Variants in TRPM3 observed in about 807,000 individuals in gnomAD.
TRPM3 encodes long transient receptor potential channel 3.
TRPM3 carries 77 observed loss-of-function variants against 181.2 expected under a neutral mutation model. The ratio of observed to expected loss-of-function variants is 0.42; its 90% CI spans 0.35 to 0.51. The LOEUF is 0.51. TRPM3 is among the 20% of genes least tolerant of loss of function. The pLI, the probability that TRPM3 is intolerant of heterozygous loss-of-function variation, is 0.01. For missense variants in TRPM3, 1,759 were observed against 2,196.7 expected (o/e 0.80, Z 3.98); for synonymous variants, 745 against 796.4 (o/e 0.94, Z 1.09).
chr9:70,671,402 T>C (rs1478668845), intron 9 of TRPM3, among the ~76,000 whole-genome samples: 2 of 152,048 alleles, frequency 1.3e-5, no homozygotes, highest in Non-Finnish European at 2.9e-5. Flanking sequence ...CTGACCCTTA[T>C]GGAATCATTT....
At chr9:71,043,108 G>A (rs1319464986) in intron 1 of TRPM3, among the ~76,000 whole-genome samples, 3 of 152,142 alleles carry the variant, frequency 2.0e-5, no homozygotes, top group African/African-American at 2.4e-5. Flanking sequence ...AAAACTGATC[G>A]TGAGCTTTTA....
chr9:71,075,905 C>T (rs182042391), intron 1 of TRPM3, among the ~76,000 whole-genome samples: 1 of 152,282 alleles, frequency 6.6e-6, no homozygotes, highest in African/African-American at 2.4e-5. Context: ...TGTTCCTCTA[C>T]ATGAAACACA....
chr9:70,927,103 A>G (rs1218847076), intron 1 of TRPM3, among the ~76,000 whole-genome samples: 1 of 152,206 alleles, frequency 6.6e-6, no homozygotes, highest in African/African-American at 2.4e-5. Context: ...GTTTTATACT[A>G]TATGTCACTA....
At chr9:70,613,821 G>A (rs79503042) in intron 18 of TRPM3, among the ~76,000 whole-genome samples, 4,096 of 152,230 alleles carry the variant, frequency 0.027, 89 homozygotes, top group Non-Finnish European at 0.042. Flanking sequence ...GTGGCTTCTT[G>A]AAGGATCAGG....
At chr9:71,211,838 T>C (rs2131803856) in intron 1 of TRPM3, among the ~76,000 whole-genome samples, 1 of 152,320 alleles carries the variant, frequency 6.6e-6, no homozygotes, top group South Asian at 2.1e-4. Flanking sequence ...AATGATCCGA[T>C]TTCCAAATAA....
At chr9:70,754,864 G>A (rs1021514556) in intron 8 of TRPM3, among the ~76,000 whole-genome samples, 7 of 152,064 alleles carry the variant, frequency 4.6e-5, no homozygotes, top group African/African-American at 1.2e-4. Context: ...TAGAAAACAC[G>A]GGGTCTGCAG....
intron 9 of TRPM3, among the ~76,000 whole-genome samples, chr9:70,659,915 G>C (rs1190502000): frequency 6.6e-6 from 1 of 152,118 alleles, no homozygotes; most frequent in Admixed American, 6.6e-5. Flanking sequence ...CTGATGGATC[G>C]ACTTCACAGT....
chr9:70,766,081 A>G (rs1467979579), intron 7 of TRPM3, among the ~76,000 whole-genome samples: 3 of 152,162 alleles, frequency 2.0e-5, no homozygotes, highest in Non-Finnish European at 4.4e-5. Context: ...TAGGAGGTGT[A>G]GTCATTGAAG....
chr9:71,347,778 G>A (rs2091380516), intron 1 of TRPM3, among the ~76,000 whole-genome samples: 2 of 151,600 alleles, frequency 1.3e-5, no homozygotes, highest in Admixed American at 6.6e-5. Context: ...TAAATTAAAT[G>A]AAAAATAATA....
In TRPM3 at chr9:70,930,720, C is replaced by T. The variant is rs924076416; in HGVS notation, c.178-66209G>A. Among the ~76,000 whole-genome samples the T allele has an allele frequency of 2.6e-5, 4 of 151,998 alleles. 1 individual carries two copies. The highest frequency in any genetic ancestry group is 1.3e-4 in the Admixed American group (2 of 15,258). On this transcript the variant is annotated intron_variant, in intron 1 of 25. Coordinates refer to ENST00000677713, the MANE Select transcript of TRPM3 (RefSeq NM_001366145.2). ...GTTTTCTTGTAATAAAATTATGATC[C>T]AAATTCAATTATCCTCAATATCAAA...
chr9:71,274,211 C>T (rs570112300), intron 1 of TRPM3, among the ~76,000 whole-genome samples: 5 of 152,278 alleles, frequency 3.3e-5, no homozygotes, highest in African/African-American at 1.2e-4. Context: ...TTGGGACTGA[C>T]ATCTATAGTC....
At chr9:71,200,321 G>A (rs2078694626) in intron 1 of TRPM3, among the ~76,000 whole-genome samples, 2 of 151,730 alleles carry the variant, frequency 1.3e-5, no homozygotes, top group South Asian at 4.2e-4. Context: ...AATAGGTGTG[G>A]TGTGGTGCTG....
At chr9:70,558,084 T>TCA (rs2048173282) in intron 22 of TRPM3, among the ~76,000 whole-genome samples, 1 of 152,268 alleles carries the variant, frequency 6.6e-6, no homozygotes, top group Middle Eastern at 3.4e-3. Context: ...ACCTGATCAA[T>TCA]CAGCTCAATA....
intron 1 of TRPM3, among the ~76,000 whole-genome samples, chr9:71,029,571 A>G (rs1239093679): frequency 6.6e-6 from 1 of 152,198 alleles, no homozygotes; most frequent in Non-Finnish European, 1.5e-5. Context: ...AATATGATAC[A>G]GGAAAGGAAA....
At chr9:71,146,028 T>G (rs767114501) in intron 1 of TRPM3, among the ~76,000 whole-genome samples, 13 of 152,180 alleles carry the variant, frequency 8.5e-5, no homozygotes, top group Non-Finnish European at 1.8e-4. Flanking sequence ...AGGTACATAT[T>G]TGTTCTTTTA....
rs117741711 is a variant in TRPM3 at position 71,254,976 on chromosome 9, T to C, written c.183+191677A>G. Among the ~76,000 whole-genome samples the C allele has an allele frequency of 7.4e-4, 113 of 152,334 alleles. 2 individuals carry two copies. The East Asian group carries it at 9.4e-3, about 13-fold the overall frequency. On this transcript the variant is annotated intron_variant, in intron 1 of 24. Coordinates refer to the TRPM3 transcript ENST00000357533. ...CCTCTTTCAGAGACAGCTTTGATTC[T>C]AGCAAAGCCACATCCAGTTTTGGAC...
intron 1 of TRPM3, among the ~76,000 whole-genome samples, chr9:71,198,993 G>A (rs1262872142): frequency 1.5e-5 from 2 of 136,170 alleles, no homozygotes; most frequent in African/African-American, 5.2e-5. Flanking sequence ...CATTCAGTAT[G>A]ATATTGGCTG....
intron 1 of TRPM3, among the ~76,000 whole-genome samples, chr9:71,149,430 A>G (rs916155884): frequency 4.1e-4 from 62 of 152,114 alleles, no homozygotes; most frequent in Middle Eastern, 3.4e-3. Context: ...ACAAAACAAC[A>G]AAAAACAGCT....
At chr9:70,643,892 T>C (rs1162221638) in intron 9 of TRPM3, among the ~76,000 whole-genome samples, 1 of 152,234 alleles carries the variant, frequency 6.6e-6, no homozygotes, top group Non-Finnish European at 1.5e-5. Context: ...CATTCATCTG[T>C]TCATTTACTT....
Sources: gnomAD v4.1 joint callset for allele counts (sites outside exome capture counted in the v4.1 genomes callset) on GRCh38, gnomAD v4.1.1 for gene constraint, MANE v1.5 for transcripts, NCBI Gene and HGNC (gene_info 2026-07-23, HGNC 2026-07-21) for gene names.